Variants in LRRC37A2 observed in about 807,000 individuals in gnomAD.
LRRC37A2 encodes leucine rich repeat containing 37 member A2.
In LRRC37A2, 9 loss-of-function variants were observed where a neutral mutation model predicts 68.8. That is an observed-to-expected ratio of 0.13 (90% CI 0.08 to 0.23). LRRC37A2 has a LOEUF of 0.23. LRRC37A2 is among the 10% of genes least tolerant of loss of function. LRRC37A2 has a pLI of 1.00. For synonymous variants in LRRC37A2, 63 were observed against 367.6 expected, an observed-to-expected ratio of 0.17 and a Z score of 9.48; for missense variants, 168 against 950.4, an observed-to-expected ratio of 0.18 and a Z score of 10.82.
the LRRC37A2 span, among the ~76,000 whole-genome samples, chr17:47,003,243 C>CAAAAAAAAAAAA: frequency 1.4e-5 from 1 of 73,244 alleles, no homozygotes; most frequent in Non-Finnish European, 2.6e-5. Flanking sequence ...AATAGAGACT[C>CAAAAAAAAAAAA]AAAAAAAAAA....
At chr17:46,862,301 A>T in the LRRC37A2 span, among the ~76,000 whole-genome samples, 1 of 152,214 alleles carries the variant, frequency 6.6e-6, no homozygotes, top group East Asian at 1.9e-4. Flanking sequence ...CGTATATTCC[A>T]TGGCTAACAG....
At chr17:46,951,321 G>A in the LRRC37A2 span, among the ~76,000 whole-genome samples, 5 of 152,146 alleles carry the variant, frequency 3.3e-5, no homozygotes, top group African/African-American at 1.2e-4. Context: ...TTGGACCAGA[G>A]CTCATCCACC....
the LRRC37A2 span, among the ~76,000 whole-genome samples, chr17:47,038,450 TA>T: frequency 6.6e-6 from 1 of 151,916 alleles, no homozygotes; most frequent in African/African-American, 2.4e-5. Context: ...ACCCTATCTC[TA>T]AAAATTTTTT....
the LRRC37A2 span, chr17:46,851,627 G>T: frequency 8.0e-7 from 1 of 1,256,712 alleles, no homozygotes. The surrounding 1 kb of genome is among the most constrained non-coding windows in gnomAD (Gnocchi z 4.3). Context: ...AGGGCGCAGC[G>T]CCGCCAGCAC....
At chr17:46,727,010 C>A in the LRRC37A2 span, among the ~76,000 whole-genome samples, 1 of 152,106 alleles carries the variant, frequency 6.6e-6, no homozygotes, top group Admixed American at 6.6e-5. Context: ...GAGAAATCTG[C>A]AAATTCACTA....
At chr17:46,935,094 C>T in the LRRC37A2 span, 1 of 1,612,940 alleles carries the variant, frequency 6.2e-7, no homozygotes, top group Non-Finnish European at 8.5e-7. Flanking sequence ...AGAAAGTTCA[C>T]AACGGCATGG....
At chr17:46,800,939 G>T in the LRRC37A2 span, among the ~76,000 whole-genome samples, 1 of 152,214 alleles carries the variant, frequency 6.6e-6, no homozygotes, top group African/African-American at 2.4e-5. Context: ...AGAAGGCAGG[G>T]GGTAGCACAG....
At chr17:46,816,475 GCACACACACA>G in the LRRC37A2 span, among the ~76,000 whole-genome samples, 2,910 of 144,338 alleles carry the variant, frequency 0.02, 41 homozygotes, top group Middle Eastern at 0.057. Flanking sequence ...CAGAACACAC[GCACACACACA>G]CACACACACA....
At chr17:46,895,015 C>G in the LRRC37A2 span, among the ~76,000 whole-genome samples, 1 of 152,200 alleles carries the variant, frequency 6.6e-6, no homozygotes, top group African/African-American at 2.4e-5. Flanking sequence ...ACTGGAGAGC[C>G]GGCCGGATCT....
chr17:46,865,476 G>T, the LRRC37A2 span, among the ~76,000 whole-genome samples: 1 of 152,154 alleles, frequency 6.6e-6, no homozygotes, highest in Admixed American at 6.5e-5. Flanking sequence ...CAGTCCTCAG[G>T]GTGGGTTCAT....
the LRRC37A2 span, chr17:46,910,203 C>G: frequency 4.6e-5 from 7 of 152,208 alleles, no homozygotes; most frequent in African/African-American, 1.7e-4. Context: ...TTACTCAATA[C>G]CCCCATCTCC....
At chr17:46,912,381 G>A in the LRRC37A2 span, among the ~76,000 whole-genome samples, 1 of 152,220 alleles carries the variant, frequency 6.6e-6, no homozygotes, top group South Asian at 2.1e-4. Context: ...GCTGGTAGGG[G>A]TCCAGCTCCC....
chr17:46,942,036 G>C, the LRRC37A2 span: 1 of 777,472 alleles, frequency 1.3e-6, no homozygotes, highest in Non-Finnish European at 1.6e-6. Context: ...GTCCAAAAAA[G>C]ATTTGAGGAG....
the LRRC37A2 span, among the ~76,000 whole-genome samples, chr17:47,001,279 G>A: frequency 2.1e-3 from 315 of 152,210 alleles, 2 homozygotes; most frequent in African/African-American, 6.9e-3. Flanking sequence ...GCCCTGAAAC[G>A]CCCACTTCCT....
the LRRC37A2 span, among the ~76,000 whole-genome samples, chr17:46,996,240 C>T: frequency 6.6e-6 from 1 of 152,294 alleles, no homozygotes; most frequent in African/African-American, 2.4e-5. Context: ...TTCATTGACT[C>T]ATTTAAGCAG....
the LRRC37A2 span, chr17:47,018,822 G>A: frequency 2.2e-5 from 34 of 1,520,920 alleles, no homozygotes; most frequent in Admixed American, 2.2e-4. Flanking sequence ...TCAAGCCGCA[G>A]TTCAACCTTT....
At chr17:46,770,008 G>A in the LRRC37A2 span, 6 of 1,590,538 alleles carry the variant, frequency 3.8e-6, no homozygotes, top group East Asian at 4.6e-5. Context: ...AGGCCACGCC[G>A]GCCGAGGCGA....
the LRRC37A2 span, among the ~76,000 whole-genome samples, chr17:46,823,188 TTA>T: frequency 7.9e-5 from 10 of 125,920 alleles, no homozygotes; most frequent in East Asian, 4.1e-4. Context: ...ATATAATATA[TTA>T]TATATATTTA....
At chr17:46,541,458 G>T (rs1287663338) in intron 8 of LRRC37A2, among the ~76,000 whole-genome samples, 1 of 149,306 alleles carries the variant, frequency 6.7e-6, no homozygotes, top group Admixed American at 6.6e-5. Context: ...CGCCATGTTG[G>T]CCAGGGTGGT....
Sources: gnomAD v4.1 joint callset for allele counts (sites outside exome capture counted in the v4.1 genomes callset) on GRCh38, gnomAD v4.1.1 for gene constraint, Gnocchi (gnomAD v3.1) non-coding constraint, MANE v1.5 for transcripts, NCBI Gene and HGNC (gene_info 2026-07-23, HGNC 2026-07-21) for gene names.